IDUA: variants seen among roughly 807,000 people sequenced by gnomAD.
The protein encoded by IDUA is iduronidase alpha-L-.
IDUA carries 65 observed loss-of-function variants against 68.9 expected under a neutral mutation model. The ratio of observed to expected loss-of-function variants is 0.94; its 90% confidence interval spans 0.77 to 1.16. The LOEUF (loss-of-function observed/expected upper bound fraction) is 1.16, where lower values mean the gene tolerates loss of function less well. Among genes scored for constraint, IDUA ranks in the 50% most tolerant of loss-of-function variants. The probability of loss-of-function intolerance (pLI) is 0.00; values close to 1 mark genes in which losing one functional copy is unlikely to be tolerated. For missense variants in IDUA, 1,046 were observed against 938.0 expected (o/e 1.12, Z -1.50); for synonymous variants, 529 against 433.6 (o/e 1.22, Z -2.73).
At chr4:987,689 T>C (rs775218214) in intron 1 of IDUA, 120 bp from the exon 2 acceptor site, 10 of 1,524,432 alleles carry the variant, frequency 6.6e-6, no homozygotes, top group Non-Finnish European at 8.8e-6. Context: ...TATTAGTCAC[T>C]GAACGCACGG....
chr4:997,170 G>A (rs961898206), intron 2 of IDUA, among the ~76,000 whole-genome samples: 7 of 152,114 alleles, frequency 4.6e-5, no homozygotes, highest in Non-Finnish European at 8.8e-5. Flanking sequence ...AGACCCTCCC[G>A]CGGGTGGGCG....
At chr4:994,131 G>T in intron 2 of IDUA, among the ~76,000 whole-genome samples, 1 of 152,274 alleles carries the variant, frequency 6.6e-6, no homozygotes, top group East Asian at 1.9e-4. Context: ...GAAAATAAGG[G>T]TAAGCTGCTT....
rs2153021723 is a variant in IDUA at position 1,000,958 on chromosome 4, C to G, written c.462C>G (p.Asp154Glu). Reference protein sequence around the residue: ...EDKQQVFEWKDLVSSLARRYI... With the variant: ...EDKQQVFEWKELVSSLARRYI... ...AGCAGCAGGTGTTTGAGTGGAAGGA[C>G]TTGGTCTCCAGCCTGGCCAGGAGAT... Residue 154 changes from aspartate (D) to glutamate (E), a missense_variant, in exon 4 of 14, where the codon GAC becomes GAG. Transcript: ENST00000514224. 1 of 1,613,306 alleles carries G rather than the reference C, an allele frequency of 6.2e-7. No homozygotes were observed.
rs1577540556 is a variant in IDUA at position 1,002,140 on chromosome 4, C to T, written c.951C>T (p.Thr317=). The T allele has an allele frequency of 6.4e-7, 1 of 1,560,632 alleles. No homozygotes were observed. Among genetic ancestry groups the T allele is most frequent in the Non-Finnish European group, 8.7e-7 (1 of 1,152,700 alleles). Residue 317 remains threonine, a synonymous_variant, in exon 7 of 14, where the codon ACC becomes ACT. Coordinates refer to ENST00000514224, the MANE Select transcript of IDUA (RefSeq NM_000203.5). ...SLPQPWRADV[T]YAAMVVKVIA... is the part of the protein sequence containing the mutation. ...CACAGCCGTGGAGGGCGGACGTGAC[C>T]TACGCGGCCATGGTGGTGAAGGTGG...
chr4:1,001,012 G>A, intron 4 of IDUA, 23 bp downstream of exon 4: 1 of 1,552,126 alleles, frequency 6.4e-7, no homozygotes, highest in Non-Finnish European at 8.9e-7. Flanking sequence ...AGGCCCTGGG[G>A]CCCTGGCCGG....
intron 2 of IDUA, among the ~76,000 whole-genome samples, chr4:995,980 G>T (rs1037668586): frequency 6.6e-6 from 1 of 152,052 alleles, no homozygotes; most frequent in African/African-American, 2.4e-5. Context: ...GAACGCTCTG[G>T]GGTCTCGTAC....
rs1421451574 is a variant in IDUA at position 987,802 on chromosome 4, TC to T, written c.159-3del. Reference sequence around the variant, plus strand: ...TCGGGACTGAGCCGCCCCTTTGTTGTCCCCAGCCCCCCGCTGCCACACAGCC... The same window carrying T: ...TCGGGACTGAGCCGCCCCTTTGTTGTCCCAGCCCCCCGCTGCCACACAGCC... On this transcript the variant is annotated splice_polypyrimidine_tract_variant and splice_region_variant and intron_variant, in intron 1 of 13. Transcript: ENST00000514224. 1 of 1,612,032 alleles carries T rather than the reference TC, an allele frequency of 6.2e-7. No individual in the cohort carries two copies. Among genetic ancestry groups the T allele is most frequent in the Non-Finnish European group, 8.5e-7 (1 of 1,179,790 alleles).
At chr4:994,683 C>T (rs2153019778) in intron 2 of IDUA, among the ~76,000 whole-genome samples, 1 of 152,220 alleles carries the variant, frequency 6.6e-6, no homozygotes, top group African/African-American at 2.4e-5. Context: ...GTGATCCACC[C>T]ACCTCGGCCT....
rs535339983 is a variant in IDUA at position 987,608 on chromosome 4, C to T, written c.159-201C>T. The stretch of plus-strand genomic sequence containing the variant: ...CCAGGGCCAGGGCTGGCGTTGGCCC[C>T]TCGTCTTACTGCTGCTGCCGTTCCC... On this transcript the variant is annotated intron_variant, in intron 1 of 13. Transcript: ENST00000514224. 2.1e-6 allele frequency: 3 copies of T among 1,436,172 alleles called. No individual in the cohort carries two copies. In the South Asian group the frequency reaches 4.4e-5, roughly 21 times the overall value. 89.0% of individuals were successfully genotyped at this position (1,436,172 alleles called of 1,614,324 possible). A position where few individuals can be genotyped will look rare whatever the true frequency, so the allele number is the denominator to read the frequency against.
At chr4:989,673 C>T in intron 2 of IDUA, 1 of 1,571,928 alleles carries the variant, frequency 6.4e-7, no homozygotes, top group South Asian at 1.2e-5. Flanking sequence ...CCAGCAGCAC[C>T]ACGGTGGCGC....
intron 2 of IDUA, among the ~76,000 whole-genome samples, chr4:995,205 C>A (rs371086763): frequency 6.6e-6 from 1 of 152,042 alleles, no homozygotes; most frequent in African/African-American, 2.4e-5. Flanking sequence ...CCACCACGCC[C>A]GGCTAATTTT....
Position 989,432 on chromosome 4 carries a change from C to T in IDUA, c.299+1483C>T, listed in dbSNP as rs763786159. ...GCGGTGCGTGGGCGTTGGGTGCGGC[C>T]GGCCAGGCTGAGCAGCGAGAGGATG... is the stretch of plus-strand genomic sequence containing the variant. On this transcript the variant is annotated intron_variant, in intron 2 of 13. Transcript: ENST00000514224. The T allele has an allele frequency of 4.3e-5, 67 of 1,554,642 alleles. No homozygotes were observed. The Middle Eastern group carries it at 5.0e-4, about 12-fold the overall frequency.
Position 1,004,534 on chromosome 4 carries a change from C to T in IDUA, c.*141C>T, listed in dbSNP as rs1715327658. 4.5e-6 allele frequency: 4 copies of T among 884,626 alleles called. No individual in the cohort carries two copies. The South Asian group carries it at 5.6e-5, about 12-fold the overall frequency. 54.8% of individuals were successfully genotyped at this position (884,626 alleles called of 1,614,324 possible). On this transcript the variant is annotated 3_prime_UTR_variant, in exon 14 of 14. Transcript: ENST00000514224. The surrounding 1 kb of genome is among the most constrained non-coding windows in gnomAD (Gnocchi z 5.0). ...ATTTTCTTTTATATCTTGGTACCAA[C>T]GCCCCCTTTAAAGCGGCTTTGCACA...
intron 2 of IDUA, among the ~76,000 whole-genome samples, chr4:994,374 C>T (rs1714601795): frequency 2.0e-5 from 3 of 151,706 alleles, no homozygotes; most frequent in Admixed American, 2.0e-4. Context: ...CTCCTGGGTT[C>T]ACGCCATTCT....
intron 2 of IDUA, 54 bp from the exon 3 acceptor site, chr4:1,000,558 G>A: frequency 2.9e-6 from 4 of 1,377,528 alleles, no homozygotes; most frequent in Non-Finnish European, 4.1e-6. Context: ...TTCCAGCCTG[G>A]AGCATGGAGC....
intron 12 of IDUA, 33 bp downstream of exon 12, chr4:1,003,658 G>C: frequency 6.2e-7 from 1 of 1,606,010 alleles, no homozygotes; most frequent in Non-Finnish European, 8.5e-7. Flanking sequence ...CCCTCTGCCT[G>C]GTCCTAGGCA....
intron 2 of IDUA, chr4:993,286 CAGGATGGTTCTTACCTGAGGG>C (rs1295359686): frequency 2.6e-5 from 4 of 152,440 alleles, no homozygotes; most frequent in Admixed American, 6.5e-5. Context: ...GATCTGGGCC[CAGGATGGTTCTTACCTGAGGG>C]AGTCCTCACA....
intron 2 of IDUA, chr4:988,348 G>C: frequency 9.2e-7 from 1 of 1,086,852 alleles, no homozygotes; most frequent in Non-Finnish European, 1.1e-6. Flanking sequence ...GGGGAGGCAC[G>C]AGGTGTGAGG....
chr4:1,000,420 T>C (rs1715002076), intron 2 of IDUA, among the ~76,000 whole-genome samples, 192 bp from the exon 3 acceptor site: 1 of 152,228 alleles, frequency 6.6e-6, no homozygotes, highest in Admixed American at 6.5e-5. Flanking sequence ...GGTCTCCATG[T>C]ACAGATACTC....
Sources: allele counts gnomAD v4.1 joint callset (sites outside exome capture counted in the v4.1 genomes callset), GRCh38; gene constraint gnomAD v4.1.1; non-coding constraint Gnocchi (gnomAD v3.1); transcripts MANE v1.5; gene names NCBI Gene and HGNC (gene_info 2026-07-23, HGNC 2026-07-21).